AVIL: variants seen among roughly 807,000 people sequenced by gnomAD.
AVIL encodes advillin.
AVIL carries 78 observed loss-of-function variants against 109.9 expected under a neutral mutation model. The observed-to-expected ratio is 0.71, with a 90% CI of 0.59 to 0.86. AVIL has a LOEUF of 0.86. Ranked by LOEUF, AVIL falls within the 40% of genes least tolerant of loss-of-function variation. The pLI is 0.00. For synonymous variants in AVIL, 367 were observed against 379.1 expected (o/e 0.97, Z 0.37); for missense variants, 892 against 1,016.5 (o/e 0.88, Z 1.67).
At chr12:57,802,113 T>G in intron 17 of AVIL, 47 bp downstream of exon 17, 244 of 1,592,394 alleles carry the variant, frequency 1.5e-4, no homozygotes, top group Non-Finnish European at 1.9e-4. Context: ...TGAGCTGTTC[T>G]GAGCTACCTG....
intron 13 of AVIL, 58 bp downstream of exon 13, chr12:57,807,273 T>G: frequency 6.2e-7 from 1 of 1,607,022 alleles, no homozygotes; most frequent in Non-Finnish European, 8.5e-7. Context: ...AGTCCTGTGC[T>G]GGTTTGTTAG....
chr12:57,799,796 T>A lies in AVIL; in HGVS notation c.2345A>T (p.Glu782Val), dbSNP rs1270762689. Residue 782 changes from glutamate to valine, a missense_variant and splice_region_variant, in exon 19 of 20, where the codon GAG (glutamate) becomes GTG (valine). Transcript: ENST00000549994. ...GACACAGTTCCTTCAGCCACTCACCTCCTTTTTGGCAGGGTTTACATCCTC... is the reference window on the plus strand; with the variant it reads ...GACACAGTTCCTTCAGCCACTCACCACCTTTTTGGCAGGGTTTACATCCTC... ...LPEDVNPAKK[E>V]NYLSEQDFVS... 7 of 1,613,852 alleles carry A rather than the reference T, an allele frequency of 4.3e-6. No individual in the cohort carries two copies. In the Admixed American group the frequency reaches 6.7e-5, roughly 15 times the overall value.
chr12:57,809,907 G>T lies in AVIL; in HGVS notation c.762-17C>A. 1 of 1,613,114 alleles carries T rather than the reference G, an allele frequency of 6.2e-7. No homozygotes were observed. The highest frequency in any genetic ancestry group is 8.5e-7 in the Non-Finnish European group (1 of 1,179,264). The stretch of plus-strand genomic sequence containing the variant: ...TCTGAGATACTGGAGAAGGGGAGAG[G>T]TTAGCCTGTGCCTTTTCCTCTATAA... On this transcript the variant is annotated splice_polypyrimidine_tract_variant and intron_variant, in intron 7 of 19. Coordinates refer to ENST00000549994, the MANE Select transcript of AVIL (RefSeq NM_006576.4).
At chr12:57,809,989 G>T in intron 7 of AVIL, 99 bp from the exon 8 acceptor site, 1 of 1,274,426 alleles carries the variant, frequency 7.8e-7, no homozygotes, top group African/African-American at 1.5e-5. Flanking sequence ...GGAGTTTCTA[G>T]GTAGAGTGTG....
At chr12:57,808,097 AG>A (rs1955979026) in intron 11 of AVIL, 96 bp downstream of exon 11, 2 of 1,398,248 alleles carry the variant, frequency 1.4e-6, no homozygotes, top group African/African-American at 2.8e-5. Context: ...GGAAAGGGAA[AG>A]CAAAGCAGAC....
In AVIL at chr12:57,807,429, G is replaced by A. The variant is rs1206193673; in HGVS notation, c.1393C>T (p.Arg465Trp). Residue 465 changes from arginine (R) to tryptophan (W), a missense_variant, in exon 13 of 20, where the codon CGG (arginine) becomes TGG (tryptophan). Arg to Trp is a moderately radical substitution (Grantham distance 101, BLOSUM62 -3). Coordinates refer to ENST00000549994, the MANE Select transcript of AVIL (RefSeq NM_006576.4). ...ASAYQAVEVD[R>W]QFDGAAVQVR... ...TGCACAGCAGCCCCATCAAACTGCCGATCCACCTCCACTGCCTGGTATGCT... is the reference window on the plus strand; with the variant it reads ...TGCACAGCAGCCCCATCAAACTGCCAATCCACCTCCACTGCCTGGTATGCT... The A allele has an allele frequency of 8.1e-6, 13 of 1,614,078 alleles. No homozygotes were observed. The highest frequency in any genetic ancestry group is 2.2e-5 in the South Asian group (2 of 91,086).
Position 57,799,937 on chromosome 12 carries a change from T to C in AVIL, c.2221-17A>G. The C allele has an allele frequency of 6.2e-7, 1 of 1,613,978 alleles. No individual in the cohort carries two copies. Among genetic ancestry groups the C allele is most frequent in the Middle Eastern group, 1.6e-4 (1 of 6,062 alleles). ...CTTCATGTCCTAGGTAAGATAAGAATGTAGGCACAGGGAAAAGACTCCTCA... is the reference window on the plus strand; with the variant it reads ...CTTCATGTCCTAGGTAAGATAAGAACGTAGGCACAGGGAAAAGACTCCTCA... On this transcript the variant is annotated splice_polypyrimidine_tract_variant and intron_variant, in intron 18 of 19. Transcript: ENST00000549994.
intron 17 of AVIL, among the ~76,000 whole-genome samples, chr12:57,801,905 G>C (rs987002234): frequency 2.6e-5 from 4 of 152,216 alleles, no homozygotes; most frequent in Non-Finnish European, 5.9e-5. Context: ...AAAAGATGAT[G>C]TGTATGGATA....
intron 16 of AVIL, among the ~76,000 whole-genome samples, 154 bp downstream of exon 16, chr12:57,803,093 C>T (rs897447455): frequency 3.9e-5 from 6 of 152,160 alleles, no homozygotes; most frequent in Admixed American, 1.3e-4. Context: ...AAAAAAAACC[C>T]GGGCTTTCTT....
intron 4 of AVIL, among the ~76,000 whole-genome samples, chr12:57,812,837 TG>T (rs139845966): frequency 0.035 from 5,313 of 152,314 alleles, 318 homozygotes; most frequent in African/African-American, 0.12. Flanking sequence ...CTCCGAGTGA[TG>T]GACACCTACG....
chr12:57,802,329 G>T lies in AVIL; in HGVS notation c.1982C>A (p.Ala661Asp), dbSNP rs1955865986. The change falls in exon 17 of 20, where the codon GCT becomes GAT. Residue 661 changes from alanine to aspartate, a missense_variant. By Grantham distance (126) the Ala-to-Asp change is moderately radical (BLOSUM62 -2). Transcript: ENST00000549994. ...TWDQVFLWIG[A>D]EANATEKESA... ...CTCCTTCTCCGTGGCATTGGCCTCA[G>T]CCCCAATCCACAAGAACACCTGTTA... 1 of 1,612,548 alleles carries T rather than the reference G, an allele frequency of 6.2e-7. No homozygotes were observed. Among genetic ancestry groups the T allele is most frequent in the African/African-American group, 1.3e-5 (1 of 74,892 alleles).
Position 57,803,612 on chromosome 12 carries a change from C to T in AVIL, c.1729G>A (p.Gly577Ser), listed in dbSNP as rs748204951. ...AKELASLLCDGSENTVAEGQE... is the reference protein window; with the variant it reads ...AKELASLLCDSSENTVAEGQE... ...CCCTCGGCCACAGTGTTCTCGCTGC[C>T]ATCACAGAGAAGGCTGGCCAGCTCC... is the stretch of plus-strand genomic sequence containing the variant. The change falls in exon 15 of 20, where the codon GGC (glycine) becomes AGC (serine). Residue 577 changes from glycine to serine, a missense_variant. Physicochemically the swap from Gly to Ser is moderately conservative, Grantham distance 56. Transcript: ENST00000549994. 110 of 1,614,064 alleles carry T rather than the reference C, an allele frequency of 6.8e-5. No individual in the cohort carries two copies. The highest frequency in any genetic ancestry group is 1.9e-5 in the Non-Finnish European group (22 of 1,180,038).
chr12:57,810,013 G>T, intron 7 of AVIL, 123 bp from the exon 8 acceptor site: 1 of 986,102 alleles, frequency 1.0e-6, no homozygotes. Flanking sequence ...GCCTAAGACA[G>T]CCATGACTTG....
intron 4 of AVIL, among the ~76,000 whole-genome samples, chr12:57,812,162 A>G (rs1044266522): frequency 1.2e-4 from 19 of 152,148 alleles, no homozygotes; most frequent in African/African-American, 4.6e-4. Context: ...AGTAGCTAGG[A>G]CTATAGGAGT....
In AVIL at chr12:57,815,580, C is replaced by G. The variant is rs571251174; in HGVS notation, c.66+395G>C. ...TCATCTCTGCAGTGCCCCCTCACCT[C>G]TCCCCATATTTTGTAGGAGCCAGGG... On this transcript the variant is annotated intron_variant, in intron 2 of 19. Transcript: ENST00000549994. The G allele has an allele frequency of 2.4e-6, 3 of 1,258,172 alleles. No individual in the cohort carries two copies. The South Asian group carries it at 4.1e-5, about 17-fold the overall frequency. The allele number at this position is 1,258,172 out of a possible 1,614,324, so 77.9% of individuals were successfully genotyped here. A position where few individuals can be genotyped will look rare whatever the true frequency, so the allele number is the denominator to read the frequency against.
intron 2 of AVIL, 30 bp downstream of exon 2, chr12:57,815,945 C>A: frequency 6.2e-7 from 1 of 1,613,650 alleles, no homozygotes; most frequent in South Asian, 1.1e-5. Flanking sequence ...TGCCAGTGGT[C>A]ACAAGTAAGG....
Position 57,803,570 on chromosome 12 carries a change from A to C in AVIL, c.1771T>G (p.Phe591Val). 6.2e-7 allele frequency: 1 copy of C among 1,614,100 alleles called. No homozygotes were observed. The highest frequency in any genetic ancestry group is 1.1e-5 in the South Asian group (1 of 91,080). ...GTTTTCCCTCCCAGTAGGTCCCAGAACTCGGCTGGCTCCTGGCCCTCGGCC... is the reference window on the plus strand; with the variant it reads ...GTTTTCCCTCCCAGTAGGTCCCAGACCTCGGCTGGCTCCTGGCCCTCGGCC... ...TVAEGQEPAE[F>V]WDLLGGKTPY... Residue 591 changes from phenylalanine (F) to valine (V), a missense_variant, in exon 15 of 20, where the codon TTC becomes GTC. Coordinates refer to ENST00000549994, the MANE Select transcript of AVIL (RefSeq NM_006576.4).
Position 57,807,434 on chromosome 12 carries a change from A to G in AVIL, c.1388T>C (p.Val463Ala), listed in dbSNP as rs199978727. The change falls in exon 13 of 20, where the codon GTG becomes GCG. Residue 463 changes from valine to alanine, a missense_variant. Coordinates refer to ENST00000549994, the MANE Select transcript of AVIL (RefSeq NM_006576.4). Reference sequence around the variant, plus strand: ...AGCAGCCCCATCAAACTGCCGATCCACCTCCACTGCCTGGTATGCTGAGGC... The same window carrying G: ...AGCAGCCCCATCAAACTGCCGATCCGCCTCCACTGCCTGGTATGCTGAGGC... Reference protein sequence around the residue: ...LAASAYQAVEVDRQFDGAAVQ... With the variant: ...LAASAYQAVEADRQFDGAAVQ... 6.2e-7 allele frequency: 1 copy of G among 1,614,076 alleles called. No individual in the cohort carries two copies. The highest frequency in any genetic ancestry group is 2.2e-5 in the East Asian group (1 of 44,874).
At chr12:57,813,671 TA>T (rs757276021) in intron 3 of AVIL, among the ~76,000 whole-genome samples, 9 of 152,202 alleles carry the variant, frequency 5.9e-5, no homozygotes, top group Non-Finnish European at 1.0e-4. Flanking sequence ...AATAAATAGA[TA>T]CCAACGGGGA....
Sources: allele counts gnomAD v4.1 joint callset (sites outside exome capture counted in the v4.1 genomes callset), GRCh38; gene constraint gnomAD v4.1.1; transcripts MANE v1.5; gene names NCBI Gene and HGNC (gene_info 2026-07-23, HGNC 2026-07-21).